JOSD2: variants seen among roughly 807,000 people sequenced by gnomAD.
The protein encoded by JOSD2 is josephin-2.
JOSD2 carries 20 observed loss-of-function variants against 19.3 expected under a neutral mutation model. The observed-to-expected ratio is 1.04, with a 90% confidence interval of 0.73 to 1.51. The LOEUF is 1.51. Ranked by LOEUF, JOSD2 falls within the 40% of genes most tolerant of loss-of-function variation. The pLI is 0.00. For missense variants in JOSD2, 215 were observed against 250.4 expected (o/e 0.86, Z 0.95); for synonymous variants, 118 against 123.7 (o/e 0.95, Z 0.31).
Position 50,506,410 on chromosome 19 carries a change from C to A in JOSD2, c.435G>T (p.Ala145=). Residue 145 remains alanine (A), a synonymous_variant, in exon 4 of 5, where the codon GCG becomes GCT. Coordinates refer to ENST00000598418, the MANE Select transcript of JOSD2 (RefSeq NM_001270639.2). ...CGTCCTCATCCCCCAGGGCCTCGGG[C>A]GCCCGCAGCTTGGAGTCCAGGTTGT... is the stretch of plus-strand genomic sequence containing the variant. ...VYYNLDSKLR[A]PEALGDEDGV... 1.9e-6 allele frequency: 3 copies of A among 1,605,566 alleles called. No individual in the cohort carries two copies. The South Asian group carries it at 3.3e-5, about 18-fold the overall frequency.
intron 2 of JOSD2, among the ~76,000 whole-genome samples, chr19:50,509,149 C>T (rs1419933941): frequency 6.8e-6 from 1 of 146,834 alleles, no homozygotes; most frequent in East Asian, 2.0e-4. Flanking sequence ...TGTTGCCCGG[C>T]TCACTGAAAC....
chr19:50,506,120 GC>G lies in JOSD2; in HGVS notation c.*52del. 1 of 1,551,124 alleles carries G rather than the reference GC, an allele frequency of 6.4e-7. No individual in the cohort carries two copies. Among genetic ancestry groups the G allele is most frequent in the Non-Finnish European group, 8.8e-7 (1 of 1,130,184 alleles). ...CTTTCCCAGGCATGCAGTGTGCGCA[GC>G]CGGAGGGGGATGCGCAGGGACTGCG... On this transcript the variant is annotated 3_prime_UTR_variant, in exon 5 of 5. Coordinates refer to ENST00000598418, the MANE Select transcript of JOSD2 (RefSeq NM_001270639.2).
chr19:50,510,701 AG>A (rs1302262889), intron 1 of JOSD2, among the ~76,000 whole-genome samples: 1 of 151,988 alleles, frequency 6.6e-6, no homozygotes, highest in African/African-American at 2.4e-5. Flanking sequence ...CAGGTCTCTA[AG>A]TAAAAGGGTC....
chr19:50,506,304 G>A (rs753804836), intron 4 of JOSD2, 32 bp from the exon 5 acceptor site: 6 of 1,610,380 alleles, frequency 3.7e-6, no homozygotes, highest in East Asian at 4.5e-5. Flanking sequence ...ACTGAGGCTC[G>A]GCCAGCCTGG....
At position 50,511,145 on chromosome 19, in the gene JOSD2, AG is replaced by A. The variant is rs1358793162; in HGVS notation, c.-47del. The A allele has an allele frequency of 2.2e-6, 1 of 450,568 alleles. No homozygotes were observed. Among genetic ancestry groups the A allele is most frequent in the African/African-American group, 2.0e-5 (1 of 49,292 alleles). The allele number at this position is 450,568 out of a possible 1,614,324, so 27.9% of individuals were successfully genotyped here. A position where few individuals can be genotyped will look rare whatever the true frequency, so the allele number is the denominator to read the frequency against. ...GCCTGCCTCTCCGCTCCACCGAGCC[AG>A]GGGTTTCCGCATCCCCTTCCTGGGC... On this transcript the variant is annotated 5_prime_UTR_variant, in exon 1 of 5. Transcript: ENST00000598418.
chr19:50,507,236 C>CCCAGCCACTGG (rs1979427992), intron 3 of JOSD2, among the ~76,000 whole-genome samples: 1 of 151,138 alleles, frequency 6.6e-6, no homozygotes, highest in Non-Finnish European at 1.5e-5. Context: ...CAGCCACATG[C>CCCAGCCACTGG]CCAGCCACTG....
intron 1 of JOSD2, among the ~76,000 whole-genome samples, chr19:50,510,698 C>G (rs1167883841): frequency 6.6e-6 from 1 of 152,086 alleles, no homozygotes; most frequent in African/African-American, 2.4e-5. Flanking sequence ...CACCAGGTCT[C>G]TAAGTAAAAG....
intron 3 of JOSD2, among the ~76,000 whole-genome samples, chr19:50,507,335 A>C (rs1979434296): frequency 6.7e-6 from 1 of 148,912 alleles, no homozygotes; most frequent in African/African-American, 2.5e-5. Context: ...CCATCACTTC[A>C]CTCCCCCTGA....
At chr19:50,507,724 G>A (rs770882155) in intron 2 of JOSD2, 25 bp from the exon 3 acceptor site, 1 of 1,602,278 alleles carries the variant, frequency 6.2e-7, no homozygotes, top group South Asian at 1.1e-5. Context: ...GGCCAGAGCT[G>A]AGGTGGGGAC....
Position 50,511,171 on chromosome 19 carries a change from C to G in JOSD2, c.-72G>C, listed in dbSNP as rs1046377215. The G allele has an allele frequency of 2.2e-6, 1 of 446,546 alleles. No individual in the cohort carries two copies. Among genetic ancestry groups the G allele is most frequent in the Non-Finnish European group, 4.5e-6 (1 of 221,970 alleles). 27.7% of individuals were successfully genotyped at this position (446,546 alleles called of 1,614,324 possible). A position where few individuals can be genotyped will look rare whatever the true frequency, so the allele number is the denominator to read the frequency against. On this transcript the variant is annotated 5_prime_UTR_variant, in exon 1 of 5. Transcript: ENST00000598418. ...GGGGTTTCCGCATCCCCTTCCTGGG[C>G]GGCGGCTCTGGGCTCCGAGTGCGGG...
chr19:50,507,170 G>A (rs1213530730), intron 3 of JOSD2, among the ~76,000 whole-genome samples: 2 of 110,842 alleles, frequency 1.8e-5, no homozygotes, highest in African/African-American at 7.6e-5. Context: ...GACTCGCCAT[G>A]CCCCCAATCC....
chr19:50,510,140 C>T, intron 2 of JOSD2, 146 bp downstream of exon 2: 2 of 903,528 alleles, frequency 2.2e-6, no homozygotes, highest in Non-Finnish European at 3.3e-6. Flanking sequence ...GGCAACATCT[C>T]CCCAGAGTCC....
chr19:50,510,474 C>T lies in JOSD2; in HGVS notation c.-17-26G>A, dbSNP rs761071285. Reference sequence around the variant, plus strand: ...CTGGGGGTTGGGAGGGGGAGAAGGTCCTCAGGGGCCCGGGATCTAGAGGTC... The same window carrying T: ...CTGGGGGTTGGGAGGGGGAGAAGGTTCTCAGGGGCCCGGGATCTAGAGGTC... On this transcript the variant is annotated intron_variant, in intron 1 of 4. Coordinates refer to ENST00000598418, the MANE Select transcript of JOSD2 (RefSeq NM_001270639.2). 28 of 1,564,562 alleles carry T rather than the reference C, an allele frequency of 1.8e-5. No individual in the cohort carries two copies. In the African/African-American group the frequency reaches 3.7e-4, roughly 21 times the overall value.
intron 2 of JOSD2, 69 bp from the exon 3 acceptor site, chr19:50,507,768 C>G (rs1035646608): frequency 1.9e-6 from 3 of 1,552,172 alleles, no homozygotes; most frequent in Non-Finnish European, 2.6e-6. Flanking sequence ...ATGGGGGTCC[C>G]AGGGGCCACA....
Position 50,506,499 on chromosome 19 carries a change from G to T in JOSD2, c.346C>A (p.Leu116Met). Residue 116 changes from leucine to methionine, a missense_variant, in exon 4 of 5, where the codon CTG becomes ATG. Leu to Met is a conservative substitution (Grantham distance 15). Transcript: ENST00000598418. Reference protein sequence around the residue: ...LNLPSPVSLGLLSLPLRRRHW... With the variant: ...LNLPSPVSLGMLSLPLRRRHW... Reference sequence around the variant, plus strand: ...CGCCGGCGCAGCGGCAGTGACAGCAGCCCCAGCGACACGGGCGAGGGCAGG... The same window carrying T: ...CGCCGGCGCAGCGGCAGTGACAGCATCCCCAGCGACACGGGCGAGGGCAGG... 6.4e-7 allele frequency: 1 copy of T among 1,561,746 alleles called. No homozygotes were observed. Among genetic ancestry groups the T allele is most frequent in the Non-Finnish European group, 8.7e-7 (1 of 1,153,972 alleles).
chr19:50,506,687 G>C (rs1180750638), intron 3 of JOSD2, 115 bp from the exon 4 acceptor site: 2 of 938,972 alleles, frequency 2.1e-6, no homozygotes, highest in Non-Finnish European at 3.1e-6. Context: ...AGCCCACCCA[G>C]AGGTGTTCCT....
intron 2 of JOSD2, among the ~76,000 whole-genome samples, chr19:50,509,935 C>A (rs1430843818): frequency 2.0e-5 from 3 of 151,282 alleles, no homozygotes; most frequent in African/African-American, 7.3e-5. Context: ...TGCCTGTAGT[C>A]CCAGCTACTC....
At chr19:50,509,610 G>A (rs1038156983) in intron 2 of JOSD2, among the ~76,000 whole-genome samples, 8 of 152,156 alleles carry the variant, frequency 5.3e-5, no homozygotes, top group Non-Finnish European at 1.2e-4. Context: ...GGGCGGGGGC[G>A]TGTTTAGGAT....
At chr19:50,506,676 G>A (rs527544376) in intron 3 of JOSD2, 104 bp from the exon 4 acceptor site, 7 of 1,052,528 alleles carry the variant, frequency 6.7e-6, no homozygotes, top group Non-Finnish European at 9.4e-6. Flanking sequence ...AGGGCCTCCT[G>A]AGCCCACCCA....
Sources: allele counts gnomAD v4.1 joint callset (sites outside exome capture counted in the v4.1 genomes callset), GRCh38; gene constraint gnomAD v4.1.1; transcripts MANE v1.5; gene names NCBI Gene and HGNC (gene_info 2026-07-23, HGNC 2026-07-21).